Variants in TMEM123 observed in about 807,000 individuals in gnomAD.
The protein encoded by TMEM123 is transmembrane protein 123.
A neutral mutation model predicts 19.7 loss-of-function variants in TMEM123; 16 were observed. The observed-to-expected ratio is 0.81, with a 90% CI of 0.55 to 1.23. TMEM123 has a LOEUF of 1.23. TMEM123 is among the 50% of genes most tolerant of loss of function. TMEM123 has a pLI of 0.00. For synonymous variants in TMEM123, 118 were observed against 99.4 expected, an observed-to-expected ratio of 1.19 and a Z score of -1.12; for missense variants, 313 against 257.8, an observed-to-expected ratio of 1.21 and a Z score of -1.47.
At chr11:102,433,549 T>C (rs1201288393) in intron 2 of TMEM123, among the ~76,000 whole-genome samples, 3 of 151,904 alleles carry the variant, frequency 2.0e-5, no homozygotes, top group African/African-American at 4.8e-5. Flanking sequence ...ACTTGCCTTA[T>C]CTCAGTTGAG....
At chr11:102,445,089 G>A (rs1040392848) in intron 2 of TMEM123, among the ~76,000 whole-genome samples, 1 of 152,098 alleles carries the variant, frequency 6.6e-6, no homozygotes, top group Non-Finnish European at 1.5e-5. Flanking sequence ...GTTAATGGGT[G>A]TAGCACACCA....
chr11:102,413,640 G>A (rs184945457), intron 2 of TMEM123, among the ~76,000 whole-genome samples: 1 of 152,300 alleles, frequency 6.6e-6, no homozygotes, highest in African/African-American at 2.4e-5. Flanking sequence ...TTGGCCCCCT[G>A]AAAGCATTCT....
At chr11:102,438,048 G>C (rs1397543686) in intron 2 of TMEM123, among the ~76,000 whole-genome samples, 1 of 151,850 alleles carries the variant, frequency 6.6e-6, no homozygotes, top group Non-Finnish European at 1.5e-5. Flanking sequence ...GTTTTACCCT[G>C]TTTATTTATT....
chr11:102,408,777 A>C (rs1223164379), intron 2 of TMEM123, among the ~76,000 whole-genome samples: 2 of 152,218 alleles, frequency 1.3e-5, no homozygotes, highest in Non-Finnish European at 2.9e-5. Flanking sequence ...CTTATGGAAG[A>C]ACACACTACT....
intron 2 of TMEM123, among the ~76,000 whole-genome samples, chr11:102,440,574 C>A (rs564417962): frequency 1.3e-5 from 2 of 152,130 alleles, no homozygotes; most frequent in African/African-American, 4.8e-5. Flanking sequence ...AAGGAACAAC[C>A]GTACCAGCCA....
chr11:102,403,725 C>G (rs934841269), intron 2 of TMEM123, among the ~76,000 whole-genome samples: 1 of 152,138 alleles, frequency 6.6e-6, no homozygotes, highest in Middle Eastern at 3.2e-3. Flanking sequence ...TTGTCTGGAT[C>G]ATGGGGGCAG....
intron 1 of TMEM123, chr11:102,452,075 G>A (rs1857946603): frequency 6.5e-6 from 1 of 153,974 alleles, no homozygotes; most frequent in Non-Finnish European, 1.4e-5. Flanking sequence ...ACGCTGAAAT[G>A]CCTGGGGGAC....
At chr11:102,428,483 T>C (rs1952148110) in intron 2 of TMEM123, among the ~76,000 whole-genome samples, 1 of 151,522 alleles carries the variant, frequency 6.6e-6, no homozygotes, top group Non-Finnish European at 1.5e-5. Context: ...TTTTTTTATT[T>C]TTTAGTAGAG....
chr11:102,401,069 T>C (rs1001847591), intron 4 of TMEM123, among the ~76,000 whole-genome samples: 5 of 152,170 alleles, frequency 3.3e-5, no homozygotes, highest in Admixed American at 2.0e-4. Flanking sequence ...ATTATATTAT[T>C]TATACTAACC....
rs1207085508 is a variant in TMEM123, at chr11:102,402,106, G to C, written c.258C>G (p.Val86=). ...ATGCCGCTGTAGGTTTCATGGTGGT[G>C]ACCGTTGTATTACTGGAGTCTGAGG... The part of the protein sequence containing the change: ...SVASDSSNTT[V]TTMKPTAASN... Residue 86 remains valine (V), a synonymous_variant, in exon 3 of 5, where the codon GTC becomes GTG. Transcript: ENST00000398136. 6.2e-7 allele frequency: 1 copy of C among 1,614,162 alleles called. No homozygotes were observed. The highest frequency in any genetic ancestry group is 1.7e-5 in the Admixed American group (1 of 60,024).
At chr11:102,434,333 T>C (rs1333008542) in intron 2 of TMEM123, among the ~76,000 whole-genome samples, 2 of 151,940 alleles carry the variant, frequency 1.3e-5, no homozygotes, top group African/African-American at 4.8e-5. Flanking sequence ...TGCATTTCCC[T>C]AATGATTCTT....
intron 2 of TMEM123, among the ~76,000 whole-genome samples, chr11:102,420,942 G>C (rs1319041724): frequency 2.6e-5 from 4 of 152,178 alleles, no homozygotes; most frequent in Admixed American, 1.3e-4. Context: ...AGCTACTCTG[G>C]AGGTTGAGGC....
intron 4 of TMEM123, among the ~76,000 whole-genome samples, chr11:102,399,202 T>C (rs1475743663): frequency 5.9e-5 from 9 of 152,324 alleles, no homozygotes; most frequent in Non-Finnish European, 1.2e-4. Context: ...CCCAGAACTC[T>C]AGGAGGTCAG....
Position 102,398,773 on chromosome 11 carries a change from T to A in TMEM123, c.*94A>T. On this transcript the variant is annotated 3_prime_UTR_variant, in exon 5 of 5. Coordinates refer to ENST00000398136, the MANE Select transcript of TMEM123 (RefSeq NM_052932.3). Reference sequence around the variant, plus strand: ...TATGCATGGCCTGTTTATACTATTTTCAAAAAGAGAATATTGTTTTAAACT... The same window carrying A: ...TATGCATGGCCTGTTTATACTATTTACAAAAAGAGAATATTGTTTTAAACT... The A allele has an allele frequency of 7.7e-7, 1 of 1,302,760 alleles. No individual in the cohort carries two copies. The highest frequency in any genetic ancestry group is 1.1e-6 in the Non-Finnish European group (1 of 914,676). The allele number at this position is 1,302,760 out of a possible 1,614,324, so 80.7% of individuals were successfully genotyped here. A position where few individuals can be genotyped will look rare whatever the true frequency, so the allele number is the denominator to read the frequency against.
intron 1 of TMEM123, among the ~76,000 whole-genome samples, chr11:102,450,892 T>C (rs534154893): frequency 3.3e-5 from 5 of 152,240 alleles, no homozygotes; most frequent in Non-Finnish European, 5.9e-5. Context: ...CGTAATGACA[T>C]TGTATACAGA....
chr11:102,445,095 C>T (rs2135865629), intron 2 of TMEM123, among the ~76,000 whole-genome samples: 1 of 152,266 alleles, frequency 6.6e-6, no homozygotes, highest in South Asian at 2.1e-4. Context: ...GGGTGTAGCA[C>T]ACCAACATGG....
chr11:102,428,725 T>C (rs1416695500), intron 2 of TMEM123, among the ~76,000 whole-genome samples: 2 of 152,188 alleles, frequency 1.3e-5, no homozygotes, highest in African/African-American at 2.4e-5. Flanking sequence ...GAAAAAGATA[T>C]TCTGAGATCC....
intron 2 of TMEM123, among the ~76,000 whole-genome samples, chr11:102,419,548 G>C (rs1952069397): frequency 6.6e-6 from 1 of 152,182 alleles, no homozygotes; most frequent in Non-Finnish European, 1.5e-5. Flanking sequence ...TGTCCAGTCT[G>C]TTAGACAATG....
chr11:102,418,559 G>A (rs1241398177), intron 2 of TMEM123, among the ~76,000 whole-genome samples: 1 of 152,210 alleles, frequency 6.6e-6, no homozygotes, highest in African/African-American at 2.4e-5. Flanking sequence ...ATACACCGCT[G>A]GTGGGAATGT....
Sources: gnomAD v4.1 joint callset for allele counts (sites outside exome capture counted in the v4.1 genomes callset) on GRCh38, gnomAD v4.1.1 for gene constraint, MANE v1.5 for transcripts, NCBI Gene and HGNC (gene_info 2026-07-23, HGNC 2026-07-21) for gene names.